Variants in ZFAND3 observed in about 807,000 individuals in gnomAD.
ZFAND3 encodes AN1-type zinc finger protein 3.
A neutral mutation model predicts 29.6 loss-of-function variants in ZFAND3; 10 were observed. The ratio of observed to expected loss-of-function variants is 0.34; its 90% CI spans 0.21 to 0.57. The LOEUF (loss-of-function observed/expected upper bound fraction) is 0.57, where lower values mean the gene tolerates loss of function less well. Among genes scored for constraint, ZFAND3 ranks in the 20% least tolerant of loss-of-function variants. ZFAND3 has a pLI of 0.86. For missense variants in ZFAND3, 230 were observed against 304.5 expected, an observed-to-expected ratio of 0.76 and a Z score of 1.82; for synonymous variants, 128 against 112.6, an observed-to-expected ratio of 1.14 and a Z score of -0.87.
At position 37,930,106 on chromosome 6, in the gene ZFAND3, G is replaced by A. The variant is rs907569048; in HGVS notation, c.112+107G>A. The A allele has an allele frequency of 2.7e-6, 3 of 1,118,910 alleles. No individual in the cohort carries two copies. The African/African-American group carries it at 4.8e-5, about 18-fold the overall frequency. 69.3% of individuals were successfully genotyped at this position (1,118,910 alleles called of 1,614,324 possible). Reference sequence around the variant, plus strand: ...TTTGACCCTAAAGGATTTATGCATGGGGTTTTGTTTTCTTAGCTTGTGTGA... The same window carrying A: ...TTTGACCCTAAAGGATTTATGCATGAGGTTTTGTTTTCTTAGCTTGTGTGA... On this transcript the variant is annotated intron_variant, in intron 2 of 5. Coordinates refer to ENST00000287218, the MANE Select transcript of ZFAND3 (RefSeq NM_021943.3).
In ZFAND3 at chr6:37,819,858, A is replaced by ACGC; in HGVS notation, c.-80_-78dup. 3.7e-6 allele frequency: 2 copies of ACGC among 542,984 alleles called. No individual in the cohort carries two copies. The highest frequency in any genetic ancestry group is 5.0e-6 in the Non-Finnish European group (2 of 396,874). The allele number at this position is 542,984 out of a possible 1,614,324, so 33.6% of individuals were successfully genotyped here. A position where few individuals can be genotyped will look rare whatever the true frequency, so the allele number is the denominator to read the frequency against. ...CCCTCCCCCCGCCCCGAGCCCCCCG[A>ACGC]CGCCGCCGCCACCGCCTCCTCAGAG... On this transcript the variant is annotated 5_prime_UTR_variant, in exon 1 of 6. Coordinates refer to ENST00000287218, the MANE Select transcript of ZFAND3 (RefSeq NM_021943.3).
intron 2 of ZFAND3, among the ~76,000 whole-genome samples, chr6:37,932,532 T>G (rs1225556276): frequency 1.3e-5 from 2 of 152,176 alleles, no homozygotes; most frequent in African/African-American, 4.8e-5. Context: ...CAACCTGTAT[T>G]AGATTATATA....
intron 2 of ZFAND3, among the ~76,000 whole-genome samples, chr6:38,011,399 C>T (rs577927897): frequency 9.3e-4 from 141 of 152,196 alleles, no homozygotes; most frequent in Non-Finnish European, 1.6e-3. Flanking sequence ...CCAGAGTGGC[C>T]GTACTGTTTT....
intron 1 of ZFAND3, among the ~76,000 whole-genome samples, chr6:37,909,592 C>G: frequency 6.9e-6 from 1 of 145,246 alleles, no homozygotes; most frequent in Non-Finnish European, 1.5e-5. Context: ...AGGTTTATTT[C>G]TGAATGTTAA....
chr6:37,932,020 C>T (rs539947628), intron 2 of ZFAND3, among the ~76,000 whole-genome samples: 1 of 152,280 alleles, frequency 6.6e-6, no homozygotes. Flanking sequence ...CCTATAATCC[C>T]AGCACTTTGG....
At chr6:38,094,137 G>C (rs1764926303) in intron 4 of ZFAND3, among the ~76,000 whole-genome samples, 1 of 152,054 alleles carries the variant, frequency 6.6e-6, no homozygotes, top group Non-Finnish European at 1.5e-5. Context: ...GCCGTGTTCT[G>C]ATTAAAGGAA....
Position 38,114,206 on chromosome 6 carries a change from CA to C in ZFAND3, c.362-2356del, listed in dbSNP as rs914560955. ...TTTTTACCCTAGAATTTTCTTGTTA[CA>C]AAAAAAAAATTCTAAATAGGGTTAT... On this transcript the variant is annotated intron_variant, in intron 4 of 5. Transcript: ENST00000287218. Among the ~76,000 whole-genome samples the C allele has an allele frequency of 3.2e-3, 477 of 149,766 alleles. 3 individuals are homozygous for C. Among genetic ancestry groups the C allele is most frequent in the African/African-American group, 0.011 (448 of 40,920 alleles).
rs757788022 is a variant in ZFAND3, at chr6:38,106,154, C to CTT, written c.362-10406_362-10405dup. ...TAGCAACTTACATACAAATGACATT[C>CTT]TTTTTTTTTTTTTGGAGACAGAATT... On this transcript the variant is annotated intron_variant, in intron 4 of 5. Coordinates refer to ENST00000287218, the MANE Select transcript of ZFAND3 (RefSeq NM_021943.3). Among the ~76,000 whole-genome samples the CTT allele has an allele frequency of 1.9e-3, 273 of 145,476 alleles. 2 individuals carry two copies. Among genetic ancestry groups the CTT allele is most frequent in the African/African-American group, 5.9e-3 (236 of 39,824 alleles).
At chr6:37,880,308 G>C (rs1383198201) in intron 1 of ZFAND3, among the ~76,000 whole-genome samples, 1 of 152,228 alleles carries the variant, frequency 6.6e-6, no homozygotes, top group African/African-American at 2.4e-5. Context: ...CAGCAGGGAT[G>C]TTGCAGCAAT....
intron 5 of ZFAND3, among the ~76,000 whole-genome samples, chr6:38,122,218 T>G (rs1313475457): frequency 6.6e-6 from 1 of 152,328 alleles, no homozygotes; most frequent in East Asian, 1.9e-4. Context: ...GTCCCTGATA[T>G]AAAATGGTGT....
intron 1 of ZFAND3, among the ~76,000 whole-genome samples, chr6:37,828,574 T>G (rs114043436): frequency 6.6e-6 from 1 of 152,090 alleles, no homozygotes; most frequent in African/African-American, 2.4e-5. Context: ...GAAGGTATGG[T>G]GATTTCAATG....
chr6:38,025,831 A>G (rs1011851918), intron 2 of ZFAND3, among the ~76,000 whole-genome samples: 3 of 152,234 alleles, frequency 2.0e-5, no homozygotes, highest in African/African-American at 7.2e-5. Context: ...ATCTACAGGG[A>G]CAGAAAGTAG....
At chr6:37,982,156 C>T (rs538569981) in intron 2 of ZFAND3, among the ~76,000 whole-genome samples, 3 of 150,772 alleles carry the variant, frequency 2.0e-5, no homozygotes, top group Admixed American at 2.0e-4. Flanking sequence ...TCTGTCTGTC[C>T]TTTGTCCACA....
intron 2 of ZFAND3, among the ~76,000 whole-genome samples, chr6:38,017,354 A>G (rs770312587): frequency 7.2e-5 from 11 of 152,218 alleles, no homozygotes; most frequent in Non-Finnish European, 1.3e-4. Context: ...GTTTGGCGTT[A>G]CAGTTAGAAG....
At chr6:38,054,305 C>T (rs1454823558) in intron 2 of ZFAND3, among the ~76,000 whole-genome samples, 1 of 148,918 alleles carries the variant, frequency 6.7e-6, no homozygotes, top group East Asian at 2.0e-4. Context: ...GAGGTGGGAG[C>T]GTCACTTGGG....
intron 5 of ZFAND3, among the ~76,000 whole-genome samples, chr6:38,145,748 A>T (rs1245597310): frequency 6.6e-6 from 1 of 152,160 alleles, no homozygotes; most frequent in Non-Finnish European, 1.5e-5. Context: ...CTTCAGGTTT[A>T]TGTGGCACAT....
intron 2 of ZFAND3, among the ~76,000 whole-genome samples, chr6:38,032,757 C>G (rs1044809270): frequency 3.3e-5 from 5 of 152,158 alleles, no homozygotes; most frequent in African/African-American, 9.7e-5. Flanking sequence ...GAAGTTGTGC[C>G]TGCACAGTAG....
At chr6:37,860,608 A>G (rs1764468371) in intron 1 of ZFAND3, among the ~76,000 whole-genome samples, 1 of 143,248 alleles carries the variant, frequency 7.0e-6, no homozygotes, top group South Asian at 2.2e-4. Flanking sequence ...GTTTGCAGTG[A>G]TGTTTAGTGC....
At chr6:38,103,384 T>TAC (rs763144370) in intron 4 of ZFAND3, among the ~76,000 whole-genome samples, 2 of 147,142 alleles carry the variant, frequency 1.4e-5, no homozygotes, top group Admixed American at 6.8e-5. Context: ...AATATATATA[T>TAC]ACACACACAC....
Sources: allele counts gnomAD v4.1 joint callset (sites outside exome capture counted in the v4.1 genomes callset), GRCh38; gene constraint gnomAD v4.1.1; transcripts MANE v1.5; gene names NCBI Gene and HGNC (gene_info 2026-07-23, HGNC 2026-07-21).